The following SRBD1 variants were observed in gnomAD, a reference collection of about 807,000 sequenced individuals.
SRBD1 encodes S1 RNA-binding domain-containing protein 1.
SRBD1 carries 88 observed loss-of-function variants against 115.3 expected under a neutral mutation model. The ratio of observed to expected loss-of-function variants is 0.76; its 90% confidence interval spans 0.64 to 0.91. The LOEUF is 0.91. Among genes scored for constraint, SRBD1 ranks in the 40% least tolerant of loss-of-function variants. The pLI, the probability that SRBD1 is intolerant of heterozygous loss-of-function variation, is 0.00. For synonymous variants in SRBD1, 509 were observed against 407.7 expected (o/e 1.25, Z -2.99); for missense variants, 1,385 against 1,177.4 (o/e 1.18, Z -2.58).
intron 8 of SRBD1, 135 bp from the exon 9 acceptor site, chr2:45,573,477 A>G (rs1465510268): frequency 1.0e-6 from 1 of 981,370 alleles, no homozygotes; most frequent in African/African-American, 1.7e-5. Flanking sequence ...CCAGCTATGA[A>G]ATTGATATTA....
chr2:45,484,955 G>A (rs957623208), intron 15 of SRBD1, among the ~76,000 whole-genome samples: 33 of 152,104 alleles, frequency 2.2e-4, no homozygotes, highest in Admixed American at 1.3e-4. Flanking sequence ...ATATTCTATT[G>A]TATGGCTATA....
chr2:45,555,727 C>T (rs914441457), intron 10 of SRBD1, among the ~76,000 whole-genome samples: 25 of 152,088 alleles, frequency 1.6e-4, no homozygotes, highest in African/African-American at 5.6e-4. Flanking sequence ...CTCCTGACCT[C>T]GTGATCTGCC....
chr2:45,496,853 G>A (rs183110423), intron 14 of SRBD1, among the ~76,000 whole-genome samples: 50 of 152,288 alleles, frequency 3.3e-4, no homozygotes, highest in African/African-American at 1.2e-3. Context: ...TTTGGATCTT[G>A]AAGATCTATT....
At chr2:45,573,943 T>C (rs944214119) in intron 8 of SRBD1, among the ~76,000 whole-genome samples, 1 of 152,118 alleles carries the variant, frequency 6.6e-6, no homozygotes, top group Non-Finnish European at 1.5e-5. Context: ...AACAGCTAGA[T>C]ATGTGGAGGG....
chr2:45,463,630 A>G (rs1290618930), intron 16 of SRBD1, among the ~76,000 whole-genome samples: 1 of 152,190 alleles, frequency 6.6e-6, no homozygotes, highest in African/African-American at 2.4e-5. Context: ...ATTATATTAC[A>G]TGGTTTTTTC....
intron 14 of SRBD1, among the ~76,000 whole-genome samples, chr2:45,517,102 T>C (rs1671142527): frequency 6.6e-6 from 1 of 152,228 alleles, no homozygotes; most frequent in Non-Finnish European, 1.5e-5. Flanking sequence ...TCAGAAGGGT[T>C]GTACTAATTC....
intron 16 of SRBD1, among the ~76,000 whole-genome samples, chr2:45,468,022 T>C (rs1669540448): frequency 6.6e-6 from 1 of 152,156 alleles, no homozygotes; most frequent in South Asian, 2.1e-4. Context: ...TAAATATGAT[T>C]GAAACTCCTG....
At chr2:45,447,245 T>A (rs1668853240) in intron 16 of SRBD1, 1 of 152,066 alleles carries the variant, frequency 6.6e-6, no homozygotes, top group African/African-American at 2.4e-5. Flanking sequence ...GGTCAAGAGA[T>A]CAAGATCATC....
In SRBD1 at chr2:45,592,583, C is replaced by T. The variant is rs548888399; in HGVS notation, c.649-6809G>A. ...TTGCCTTGGTCTCTCTTGCTTTATG[C>T]CCCTCAGTCGAATTCTTTGGAGGAG... On this transcript the variant is annotated intron_variant, in intron 4 of 20. Coordinates refer to ENST00000263736, the MANE Select transcript of SRBD1 (RefSeq NM_018079.5). 3.9e-5 allele frequency among the ~76,000 whole-genome samples: 6 copies of T among 152,272 alleles called. No individual in the cohort carries two copies. In the East Asian group the frequency reaches 5.8e-4, roughly 15 times the overall value.
chr2:45,457,548 G>A (rs1413440223), intron 16 of SRBD1, among the ~76,000 whole-genome samples: 1 of 151,768 alleles, frequency 6.6e-6, no homozygotes, highest in African/African-American at 2.4e-5. Flanking sequence ...CAACTTCATG[G>A]TATAGCTAAT....
chr2:45,469,336 C>T (rs1669580945), intron 16 of SRBD1, among the ~76,000 whole-genome samples: 1 of 152,128 alleles, frequency 6.6e-6, no homozygotes, highest in South Asian at 2.1e-4. Context: ...ACAGTGATTT[C>T]TGTGCTAACA....
intron 4 of SRBD1, 128 bp downstream of exon 4, chr2:45,599,321 G>A: frequency 7.5e-7 from 1 of 1,339,886 alleles, no homozygotes; most frequent in East Asian, 2.3e-5. Context: ...AAAGCCTCCA[G>A]AAATCACTGG....
chr2:45,570,029 GT>G (rs1672960469), intron 9 of SRBD1, among the ~76,000 whole-genome samples: 1 of 152,152 alleles, frequency 6.6e-6, no homozygotes, highest in African/African-American at 2.4e-5. Context: ...CCTGCCACCT[GT>G]TTTTGTGAAT....
intron 9 of SRBD1, among the ~76,000 whole-genome samples, chr2:45,565,436 A>G (rs1378849345): frequency 6.6e-6 from 1 of 152,228 alleles, no homozygotes; most frequent in Non-Finnish European, 1.5e-5. Flanking sequence ...CAAAAGAACA[A>G]AAGTGGACGG....
chr2:45,457,036 G>T (rs1169341211), intron 16 of SRBD1, among the ~76,000 whole-genome samples: 2 of 151,882 alleles, frequency 1.3e-5, no homozygotes, highest in African/African-American at 4.8e-5. Context: ...TAATAGACCT[G>T]TATTTTTAAT....
intron 16 of SRBD1, among the ~76,000 whole-genome samples, chr2:45,461,467 A>G (rs968570107): frequency 6.6e-6 from 1 of 152,158 alleles, no homozygotes; most frequent in Non-Finnish European, 1.5e-5. Context: ...CAAGGAAAAC[A>G]ACCTTTTCTT....
At chr2:45,528,667 T>G (rs1671522865) in intron 14 of SRBD1, among the ~76,000 whole-genome samples, 1 of 151,624 alleles carries the variant, frequency 6.6e-6, no homozygotes, top group Admixed American at 6.6e-5. Flanking sequence ...ATGCAAAAGA[T>G]GAAGCTCCAG....
At chr2:45,586,964 A>ATAAATATTAAAATATTTAAAATTATTT (rs1673548816) in intron 4 of SRBD1, among the ~76,000 whole-genome samples, 1 of 145,218 alleles carries the variant, frequency 6.9e-6, no homozygotes, top group Non-Finnish European at 1.5e-5. Context: ...ATTTTAAATT[A>ATAAATATTAAAATATTTAAAATTATTT]TAAATATTAA....
Position 45,442,820 on chromosome 2 carries a change from A to G in SRBD1, c.2050-22926T>C, listed in dbSNP as rs1014790417. Among the ~76,000 whole-genome samples the G allele has an allele frequency of 2.0e-5, 3 of 152,232 alleles. No individual in the cohort carries two copies. In the South Asian group the frequency reaches 6.2e-4, roughly 32 times the overall value. ...TTTCTGACACTGAGAAGAAATGGAG[A>G]TAAGGCAGTCTAGCTACCTTTACAT... On this transcript the variant is annotated intron_variant, in intron 16 of 20. Transcript: ENST00000263736.
Sources: allele counts gnomAD v4.1 joint callset (sites outside exome capture counted in the v4.1 genomes callset), GRCh38; gene constraint gnomAD v4.1.1; transcripts MANE v1.5; gene names NCBI Gene and HGNC (gene_info 2026-07-23, HGNC 2026-07-21).